The following ANTXR1 variants were observed in gnomAD, a reference collection of about 807,000 sequenced individuals.
ANTXR1 encodes the protein anthrax toxin receptor 1.
Under a neutral mutation model 78.1 loss-of-function variants are expected in ANTXR1, and 19 were observed. The observed-to-expected ratio is 0.24, with a 90% CI of 0.17 to 0.36. ANTXR1 has a LOEUF of 0.36. Ranked by LOEUF, ANTXR1 falls within the 10% of genes least tolerant of loss-of-function variation. The pLI is 1.00. For synonymous variants in ANTXR1, 273 were observed against 260.5 expected (o/e 1.05, Z -0.46); for missense variants, 518 against 718.6 (o/e 0.72, Z 3.19).
intron 17 of ANTXR1, 81 bp downstream of exon 17, chr2:69,193,496 CTTTT>C: frequency 8.6e-7 from 1 of 1,164,292 alleles, no homozygotes; most frequent in Non-Finnish European, 1.2e-6. Context: ...CACACATATT[CTTTT>C]TCTCTCTCCA....
intron 10 of ANTXR1, among the ~76,000 whole-genome samples, chr2:69,109,524 CA>C (rs2104339440): frequency 6.6e-6 from 1 of 152,290 alleles, no homozygotes; most frequent in East Asian, 1.9e-4. Flanking sequence ...AGCTTTGGAA[CA>C]AAGCCCATAA....
At chr2:69,090,790 G>T in intron 8 of ANTXR1, 69 bp from the exon 9 acceptor site, 1 of 1,547,276 alleles carries the variant, frequency 6.5e-7, no homozygotes. Flanking sequence ...GTAGCTAAAA[G>T]CAGAACCCTG....
intron 14 of ANTXR1, among the ~76,000 whole-genome samples, chr2:69,176,402 A>G (rs1674119346): frequency 6.6e-6 from 1 of 152,204 alleles, no homozygotes. Context: ...ATTCACTCCT[A>G]GGAGTTTACC....
At chr2:69,137,073 T>G (rs897975534) in intron 12 of ANTXR1, among the ~76,000 whole-genome samples, 2 of 152,232 alleles carry the variant, frequency 1.3e-5, no homozygotes, top group Non-Finnish European at 2.9e-5. Flanking sequence ...TTGTAAAATG[T>G]GTACATTTTA....
intron 17 of ANTXR1, among the ~76,000 whole-genome samples, chr2:69,204,863 A>C (rs987050154): frequency 9.2e-5 from 14 of 152,196 alleles, no homozygotes; most frequent in African/African-American, 2.4e-5. Flanking sequence ...GCTCTCCTGC[A>C]CAGGATGCTG....
chr2:69,080,625 G>A (rs557810794), intron 8 of ANTXR1, among the ~76,000 whole-genome samples: 1 of 152,304 alleles, frequency 6.6e-6, no homozygotes, highest in Admixed American at 6.5e-5. Flanking sequence ...TCCTGGTAGA[G>A]CTTACAATCC....
intron 10 of ANTXR1, among the ~76,000 whole-genome samples, chr2:69,116,282 G>C (rs984593549): frequency 1.3e-5 from 2 of 152,208 alleles, no homozygotes; most frequent in African/African-American, 2.4e-5. Context: ...GGCAGCCCCA[G>C]TTGGGCAATC....
At chr2:69,026,020 G>A (rs1671332963) in intron 1 of ANTXR1, among the ~76,000 whole-genome samples, 1 of 152,210 alleles carries the variant, frequency 6.6e-6, no homozygotes, top group Admixed American at 6.5e-5. Context: ...TTCCATTTAA[G>A]TGCTCTAATT....
chr2:69,016,341 C>T (rs1671025832), intron 1 of ANTXR1, among the ~76,000 whole-genome samples: 1 of 152,120 alleles, frequency 6.6e-6, no homozygotes, highest in Non-Finnish European at 1.5e-5. Context: ...ATATAAAATG[C>T]TTTTAAAAAA....
At chr2:69,092,192 A>C (rs1671263262) in intron 9 of ANTXR1, among the ~76,000 whole-genome samples, 1 of 152,230 alleles carries the variant, frequency 6.6e-6, no homozygotes, top group African/African-American at 2.4e-5. Flanking sequence ...GGAAGCATTA[A>C]AGGAAGAACT....
chr2:69,224,988 G>C (rs765132158), intron 17 of ANTXR1, among the ~76,000 whole-genome samples: 1 of 128,368 alleles, frequency 7.8e-6, no homozygotes, highest in Non-Finnish European at 1.8e-5. Flanking sequence ...TCCGTTTTCT[G>C]TGGTGTTCCC....
intron 17 of ANTXR1, among the ~76,000 whole-genome samples, chr2:69,210,168 C>T (rs1174090402): frequency 3.3e-5 from 5 of 152,156 alleles, no homozygotes; most frequent in Non-Finnish European, 7.3e-5. Context: ...CCTGACTGTC[C>T]CTCCAGCTCT....
chr2:69,136,219 A>T (rs757300590), intron 12 of ANTXR1, among the ~76,000 whole-genome samples: 1 of 152,218 alleles, frequency 6.6e-6, no homozygotes, highest in African/African-American at 2.4e-5. Context: ...GAAACTGATC[A>T]GTCACTTATT....
chr2:69,097,140 T>C (rs1458073258), intron 9 of ANTXR1, among the ~76,000 whole-genome samples: 1 of 152,242 alleles, frequency 6.6e-6, no homozygotes, highest in Non-Finnish European at 1.5e-5. Context: ...CTCTGGAAAA[T>C]GCACCCTGTG....
intron 17 of ANTXR1, among the ~76,000 whole-genome samples, chr2:69,214,021 C>T (rs1675116410): frequency 6.6e-6 from 1 of 152,258 alleles, no homozygotes; most frequent in African/African-American, 2.4e-5. Context: ...CAGGCAGTCT[C>T]AGCCAGGGCA....
intron 16 of ANTXR1, among the ~76,000 whole-genome samples, chr2:69,190,882 C>A (rs1372572054): frequency 6.6e-6 from 1 of 152,204 alleles, no homozygotes; most frequent in African/African-American, 2.4e-5. Context: ...GCCCAGTGTT[C>A]TTCTTTCTGC....
chr2:69,081,181 G>T (rs1222096428), intron 8 of ANTXR1, among the ~76,000 whole-genome samples: 1 of 152,210 alleles, frequency 6.6e-6, no homozygotes, highest in Non-Finnish European at 1.5e-5. Flanking sequence ...GGTGCAAGAA[G>T]GTTGGAGAAA....
rs1410868580 is a variant in ANTXR1 at position 69,235,666 on chromosome 2, A to AG, written c.1435-9559_1435-9558insG. Among the ~76,000 whole-genome samples the AG allele has an allele frequency of 2.0e-5, 3 of 150,958 alleles. No homozygotes were observed. The East Asian group carries it at 6.1e-4, about 30-fold the overall frequency. The stretch of plus-strand genomic sequence containing the variant: ...AACCCCGTCTCAAAAAAAAAAAAAA[A>AG]AAAAAAAGAATAGACTCTATGGATT... On this transcript the variant is annotated intron_variant, in intron 17 of 17. Coordinates refer to ENST00000303714, the MANE Select transcript of ANTXR1 (RefSeq NM_032208.3).
chr2:69,180,323 G>A (rs570983795), intron 14 of ANTXR1, among the ~76,000 whole-genome samples: 5 of 152,284 alleles, frequency 3.3e-5, no homozygotes, highest in Admixed American at 3.3e-4. Flanking sequence ...TCCCTCTTTT[G>A]TTCATTCCTC....
Sources: gnomAD v4.1 joint callset for allele counts (sites outside exome capture counted in the v4.1 genomes callset) on GRCh38, gnomAD v4.1.1 for gene constraint, MANE v1.5 for transcripts, NCBI Gene and HGNC (gene_info 2026-07-23, HGNC 2026-07-21) for gene names.